SLC7A2: variants seen among roughly 807,000 people sequenced by gnomAD.
SLC7A2 encodes cationic amino acid transporter 2.
In SLC7A2, 48 loss-of-function variants were observed where a neutral mutation model predicts 58.9. The ratio of observed to expected loss-of-function variants is 0.82; its 90% confidence interval spans 0.65 to 1.04. The LOEUF (loss-of-function observed/expected upper bound fraction) is 1.04, where lower values mean the gene tolerates loss of function less well. Ranked by LOEUF, SLC7A2 falls within the 50% of genes least tolerant of loss-of-function variation. The probability of loss-of-function intolerance (pLI) is 0.00; values close to 1 mark genes in which losing one functional copy is unlikely to be tolerated. For synonymous variants in SLC7A2, 363 were observed against 314.5 expected (o/e 1.15, Z -1.63); for missense variants, 1,029 against 818.8 (o/e 1.26, Z -3.13).
intron 2 of SLC7A2, among the ~76,000 whole-genome samples, chr8:17,513,930 G>A (rs1314882016): frequency 2.6e-5 from 4 of 152,140 alleles, no homozygotes; most frequent in Non-Finnish European, 4.4e-5. Flanking sequence ...TAGCAATCAA[G>A]TTCTATTTAT....
At chr8:17,525,493 G>A (rs1230574302) in intron 2 of SLC7A2, among the ~76,000 whole-genome samples, 1 of 152,168 alleles carries the variant, frequency 6.6e-6, no homozygotes, top group Non-Finnish European at 1.5e-5. Context: ...ACAGCAAGAT[G>A]TCCTAGAAAA....
At position 17,538,740 on chromosome 8, in the gene SLC7A2, C is replaced by G. The variant is rs1195338404; in HGVS notation, c.-22-4578C>G. 78 of 1,553,244 alleles carry G rather than the reference C, an allele frequency of 5.0e-5. No homozygotes were observed. In the South Asian group the frequency reaches 8.4e-4, roughly 17 times the overall value. ...AAAAACAGTATGGTAAAGATCCCTACTTATCTATACGATTTAATTACTTTT... is the reference window on the plus strand; with the variant it reads ...AAAAACAGTATGGTAAAGATCCCTAGTTATCTATACGATTTAATTACTTTT... On this transcript the variant is annotated intron_variant, in intron 2 of 12. Coordinates refer to ENST00000494857, the MANE Select transcript of SLC7A2 (RefSeq NM_001370338.1).
At chr8:17,538,742 TATC>T in intron 2 of SLC7A2, 1 of 1,564,636 alleles carries the variant, frequency 6.4e-7, no homozygotes, top group Non-Finnish European at 8.7e-7. Flanking sequence ...GATCCCTACT[TATC>T]TATACGATTT....
intron 7 of SLC7A2, among the ~76,000 whole-genome samples, chr8:17,552,196 T>C (rs1004731896): frequency 6.6e-6 from 1 of 152,140 alleles, no homozygotes; most frequent in Non-Finnish European, 1.5e-5. Flanking sequence ...TTTTTTAAGA[T>C]AGTGATGGTC....
intron 2 of SLC7A2, among the ~76,000 whole-genome samples, chr8:17,530,106 GC>G (rs533819983): frequency 4.6e-5 from 7 of 152,062 alleles, no homozygotes; most frequent in Non-Finnish European, 8.8e-5. Context: ...CAGGCTGCTA[GC>G]TTTTCCCTGC....
intron 10 of SLC7A2, 68 bp downstream of exon 10, chr8:17,560,601 T>C (rs193116698): frequency 1.7e-5 from 23 of 1,376,586 alleles, no homozygotes; most frequent in East Asian, 2.3e-5. Context: ...TGGCATGATA[T>C]GAAAGAGAAA....
rs1279681183 is a variant in SLC7A2 at position 17,568,458 on chromosome 8, T to A, written c.*3312T>A. On this transcript the variant is annotated 3_prime_UTR_variant, in exon 13 of 13. Transcript: ENST00000494857. ...AAGTGTCATTTAAGAGAGATATATATGAAAAAGTAACATTAATATATAGAA... is the reference window on the plus strand; with the variant it reads ...AAGTGTCATTTAAGAGAGATATATAAGAAAAAGTAACATTAATATATAGAA... 6.6e-6 allele frequency: 1 copy of A among 152,082 alleles called. No homozygotes were observed. Among genetic ancestry groups the A allele is most frequent in the Non-Finnish European group, 1.5e-5 (1 of 68,026 alleles). The allele number at this position is 152,082 out of a possible 1,614,324, so 9.4% of individuals were successfully genotyped here.
rs1487741871 is a variant in SLC7A2, at chr8:17,551,849, C to G, written c.918C>G (p.Val306=). 6.2e-7 allele frequency: 1 copy of G among 1,613,782 alleles called. No individual in the cohort carries two copies. Among genetic ancestry groups the G allele is most frequent in the Admixed American group, 1.7e-5 (1 of 59,998 alleles). The part of the protein sequence containing the change: ...LLVCFMAYFG[V]SAALTLMMPY... The stretch of plus-strand genomic sequence containing the variant: ...TTTGCTTTATGGCCTATTTTGGGGT[C>G]TCTGCAGCTTTAACACTTATGATGC... Residue 306 remains valine (V), a synonymous_variant, in exon 7 of 13, where the codon GTC becomes GTG. Coordinates refer to ENST00000494857, the MANE Select transcript of SLC7A2 (RefSeq NM_001370338.1).
At chr8:17,542,991 T>A (rs1801979836) in intron 2 of SLC7A2, among the ~76,000 whole-genome samples, 1 of 152,094 alleles carries the variant, frequency 6.6e-6, no homozygotes, top group Admixed American at 6.6e-5. Flanking sequence ...AAAATTATAA[T>A]ATGCAAACAA....
chr8:17,562,029 C>T lies in SLC7A2; in HGVS notation c.1590C>T (p.Leu530=), dbSNP rs772415857. Residue 530 remains leucine (L), a synonymous_variant, in exon 11 of 13, where the codon CTC becomes CTT. Coordinates refer to ENST00000494857, the MANE Select transcript of SLC7A2 (RefSeq NM_001370338.1). The part of the protein sequence containing the change: ...TRLEAWSLAL[L]ALFLVLFVAI... ...TGGAGGCCTGGAGCCTCGCTCTCCT[C>T]GCGCTGTTTCTTGTTCTCTTCGTTG... is the stretch of plus-strand genomic sequence containing the variant. The T allele has an allele frequency of 2.4e-5, 38 of 1,613,938 alleles. No individual in the cohort carries two copies. The Admixed American group carries it at 4.8e-4, about 21-fold the overall frequency.
At chr8:17,498,925 C>G (rs1463329915) in intron 1 of SLC7A2, 1 of 152,210 alleles carries the variant, frequency 6.6e-6, no homozygotes, top group East Asian at 1.9e-4. Flanking sequence ...CCTGATCTTG[C>G]GCTGGAGTTT....
chr8:17,527,650 C>T (rs1316946057), intron 2 of SLC7A2, among the ~76,000 whole-genome samples: 1 of 152,152 alleles, frequency 6.6e-6, no homozygotes, highest in African/African-American at 2.4e-5. Context: ...CCATCTTTGG[C>T]GTTACTTGGC....
intron 2 of SLC7A2, among the ~76,000 whole-genome samples, chr8:17,542,519 C>T (rs1428382400): frequency 6.6e-6 from 1 of 152,088 alleles, no homozygotes. Context: ...AGCGTGGTGG[C>T]ACATGCCTGT....
At chr8:17,518,821 A>G (rs901326009) in intron 2 of SLC7A2, among the ~76,000 whole-genome samples, 6 of 152,086 alleles carry the variant, frequency 3.9e-5, no homozygotes, top group Admixed American at 6.5e-5. Context: ...GTAAAATACC[A>G]TAGACTGGGG....
intron 2 of SLC7A2, among the ~76,000 whole-genome samples, chr8:17,509,818 A>G (rs1444489149): frequency 6.6e-6 from 1 of 152,188 alleles, no homozygotes; most frequent in African/African-American, 2.4e-5. Flanking sequence ...GATATGCAGT[A>G]TGAATAGCTT....
At chr8:17,554,304 T>C (rs147163742) in intron 7 of SLC7A2, among the ~76,000 whole-genome samples, 2,332 of 152,270 alleles carry the variant, frequency 0.015, 51 homozygotes, top group South Asian at 0.1. Flanking sequence ...ACTTGCAATA[T>C]TGTTTTTAGT....
intron 6 of SLC7A2, among the ~76,000 whole-genome samples, chr8:17,551,476 G>A (rs1170297110): frequency 1.3e-5 from 2 of 152,104 alleles, no homozygotes; most frequent in Middle Eastern, 3.4e-3. Context: ...GCACACCCGT[G>A]GTCCCAGCTA....
Position 17,537,374 on chromosome 8 carries a change from C to A in SLC7A2, c.-22-5944C>A, listed in dbSNP as rs192900197. Reference sequence around the variant, plus strand: ...GCCCACCCTGTGTGGCTTCTACTGCCAGCCTGTGGGTTTCTGCACCTTGTC... The same window carrying A: ...GCCCACCCTGTGTGGCTTCTACTGCAAGCCTGTGGGTTTCTGCACCTTGTC... On this transcript the variant is annotated intron_variant, in intron 2 of 12. Coordinates refer to ENST00000494857, the MANE Select transcript of SLC7A2 (RefSeq NM_001370338.1). Among the ~76,000 whole-genome samples, 794 of 152,274 alleles carry A rather than the reference C, an allele frequency of 5.2e-3. 4 individuals are homozygous for A. The highest frequency in any genetic ancestry group is 0.017 in the African/African-American group (692 of 41,564).
chr8:17,538,276 T>C (rs568130248), intron 2 of SLC7A2, among the ~76,000 whole-genome samples: 5 of 152,348 alleles, frequency 3.3e-5, no homozygotes, highest in African/African-American at 1.2e-4. Context: ...TACCTATGTC[T>C]ACACTTGCAC....
Sources: allele counts gnomAD v4.1 joint callset (sites outside exome capture counted in the v4.1 genomes callset), GRCh38; gene constraint gnomAD v4.1.1; transcripts MANE v1.5; gene names NCBI Gene and HGNC (gene_info 2026-07-23, HGNC 2026-07-21).